Variants in CFAP74 observed in about 807,000 individuals in gnomAD.
CFAP74 encodes the protein cilia and flagella associated protein 74.
CFAP74 carries 124 observed loss-of-function variants against 188.9 expected under a neutral mutation model. The observed-to-expected ratio is 0.66, with a 90% CI of 0.57 to 0.76. The LOEUF is 0.76. Ranked by LOEUF, CFAP74 falls within the 30% of genes least tolerant of loss-of-function variation. The pLI is 0.00. For missense variants in CFAP74, 2,198 were observed against 2,165.2 expected, an observed-to-expected ratio of 1.02 and a Z score of -0.30; for synonymous variants, 956 against 916.7, an observed-to-expected ratio of 1.04 and a Z score of -0.77.
rs1218275114 is a variant in CFAP74, at chr1:1,938,967, C to T, written c.2899G>A (p.Asp967Asn). The T allele has an allele frequency of 5.2e-6, 8 of 1,536,088 alleles. No individual in the cohort carries two copies. The highest frequency in any genetic ancestry group is 2.4e-5 in the South Asian group (2 of 84,060). The change falls in exon 25 of 39, where the codon GAT becomes AAT. Residue 967 changes from aspartate (D) to asparagine (N), a missense_variant. Asp to Asn is a conservative substitution (Grantham distance 23). Transcript: ENST00000682832. ...AGGGGCAGGATCGTCCCAAACCCAT[C>T]GTTGGGTTGGACGTCCACAAACTGG... ...LPKFVDVQPNDGFGTILPLET... is the reference protein window; with the variant it reads ...LPKFVDVQPNNGFGTILPLET...
chr1:1,964,959 T>G lies in CFAP74; in HGVS notation c.1504A>C (p.Lys502Gln), dbSNP rs1655363965. Residue 502 changes from lysine to glutamine, a missense_variant, in exon 13 of 39, where the codon AAG (lysine) becomes CAG (glutamine). Physicochemically the swap from Lys to Gln is moderately conservative, Grantham distance 53. Transcript: ENST00000682832. Reference sequence around the variant, plus strand: ...AACTCACGCCCCCACACCACCTGCTTGTGGACCACCCTGCTCCGCAGCCGC... The same window carrying G: ...AACTCACGCCCCCACACCACCTGCTGGTGGACCACCCTGCTCCGCAGCCGC... ...VERLRSRVVHKQVVWGREFQG... is the reference protein window; with the variant it reads ...VERLRSRVVHQQVVWGREFQG... 1 of 1,613,836 alleles carries G rather than the reference T, an allele frequency of 6.2e-7. No homozygotes were observed. Among genetic ancestry groups the G allele is most frequent in the African/African-American group, 1.3e-5 (1 of 74,930 alleles).
At position 1,973,150 on chromosome 1, in the gene CFAP74, C is replaced by T; in HGVS notation, c.675-103G>A. The stretch of plus-strand genomic sequence containing the variant: ...CTCGTGTCCCAGAGACGCCGTGGGC[C>T]CTTTCGCTCAGCTCTGTCCCGCACA... On this transcript the variant is annotated intron_variant, in intron 7 of 38. Coordinates refer to ENST00000682832, the MANE Select transcript of CFAP74 (RefSeq NM_001304360.2). This position sits in a 1 kb window ranked among gnomAD's most constrained non-coding sequence, Gnocchi z 6.2. The T allele has an allele frequency of 2.5e-6, 2 of 801,258 alleles. No individual in the cohort carries two copies. The highest frequency in any genetic ancestry group is 4.1e-6 in the Non-Finnish European group (2 of 492,126). The allele number at this position is 801,258 out of a possible 1,614,324, so 49.6% of individuals were successfully genotyped here.
intron 9 of CFAP74, 84 bp from the exon 10 acceptor site, chr1:1,970,900 G>A (rs941315821): frequency 3.3e-6 from 5 of 1,524,210 alleles, no homozygotes; most frequent in South Asian, 1.2e-5. Context: ...TGCACACACA[G>A]GTTCATACAT....
intron 25 of CFAP74, among the ~76,000 whole-genome samples, chr1:1,936,773 G>GTAGTTAC (rs1652925664): frequency 6.6e-6 from 1 of 151,840 alleles, no homozygotes; most frequent in Admixed American, 6.6e-5. Flanking sequence ...GCATGGTGGC[G>GTAGTTAC]TGTTCCTGTA....
chr1:1,952,355 A>T (rs952984445), intron 18 of CFAP74, among the ~76,000 whole-genome samples: 4 of 131,948 alleles, frequency 3.0e-5, no homozygotes, highest in African/African-American at 1.7e-4. Flanking sequence ...ATAAAATTAA[A>T]AAAAAAAAAG....
At chr1:1,965,567 C>T (rs16824586) in intron 12 of CFAP74, among the ~76,000 whole-genome samples, 22,963 of 152,170 alleles carry the variant, frequency 0.15, 1,917 homozygotes, top group Middle Eastern at 0.27. Flanking sequence ...GCTGCTTGGA[C>T]TCTGCGTGGG....
intron 6 of CFAP74, among the ~76,000 whole-genome samples, chr1:1,981,427 A>G (rs1205554672): frequency 6.6e-6 from 1 of 151,850 alleles, no homozygotes; most frequent in Non-Finnish European, 1.5e-5. Context: ...GGCACGCAGG[A>G]CACCCAGCCG....
In CFAP74 at chr1:1,938,972, G is replaced by T. The variant is rs762403281; in HGVS notation, c.2894C>A (p.Pro965His). The change falls in exon 25 of 39, where the codon CCC becomes CAC. Residue 965 changes from proline to histidine, a missense_variant. Coordinates refer to ENST00000682832, the MANE Select transcript of CFAP74 (RefSeq NM_001304360.2). ...VRLPKFVDVQ[P>H]NDGFGTILPL... ...CAGGATCGTCCCAAACCCATCGTTG[G>T]GTTGGACGTCCACAAACTGGAAATA... The T allele has an allele frequency of 1.4e-5, 21 of 1,535,924 alleles. No individual in the cohort carries two copies. Among genetic ancestry groups the T allele is most frequent in the Non-Finnish European group, 1.7e-5 (20 of 1,146,834 alleles).
At chr1:1,970,585 G>C (rs576436761) in intron 10 of CFAP74, 74 bp downstream of exon 10, 1 of 1,488,374 alleles carries the variant, frequency 6.7e-7, no homozygotes, top group East Asian at 2.4e-5. Flanking sequence ...ATGTGAAGCC[G>C]AACCCCCTTG....
rs188134377 is a variant in CFAP74 at position 2,000,472 on chromosome 1, G to A, written c.-20+3229C>T. 1.1e-4 allele frequency among the ~76,000 whole-genome samples: 17 copies of A among 152,322 alleles called. 1 individual carries two copies. In the East Asian group the frequency reaches 3.1e-3, roughly 28 times the overall value. ...CACCCTACAGAAAATCCCACCTGTT[G>A]TGTTAGCTTCCCGGGGTCGCCATAA... On this transcript the variant is annotated intron_variant, in intron 1 of 38. Coordinates refer to ENST00000682832, the MANE Select transcript of CFAP74 (RefSeq NM_001304360.2).
At chr1:1,950,256 T>C (rs947498747) in intron 18 of CFAP74, among the ~76,000 whole-genome samples, 1 of 152,214 alleles carries the variant, frequency 6.6e-6, no homozygotes, top group Non-Finnish European at 1.5e-5. Context: ...TGTTTAATGA[T>C]GTTGAGCGTC....
At chr1:1,987,510 A>G (rs542896262) in intron 4 of CFAP74, among the ~76,000 whole-genome samples, 74 of 151,430 alleles carry the variant, frequency 4.9e-4, no homozygotes, top group African/African-American at 1.8e-3. Context: ...AGGTACAAAC[A>G]ACGGAGCAAA....
At chr1:1,954,229 CA>C (rs1432453494) in intron 18 of CFAP74, 6 of 152,412 alleles carry the variant, frequency 3.9e-5, no homozygotes, top group African/African-American at 1.4e-4. Flanking sequence ...GCAAGGCCCT[CA>C]AGCCCAGTGT....
chr1:1,944,094 T>A (rs1653575848), intron 21 of CFAP74, among the ~76,000 whole-genome samples: 1 of 152,150 alleles, frequency 6.6e-6, no homozygotes, highest in Non-Finnish European at 1.5e-5. Context: ...GCCCCCTGCT[T>A]GCCACACAGG....
intron 10 of CFAP74, among the ~76,000 whole-genome samples, chr1:1,970,389 A>G (rs1488179629): frequency 6.7e-6 from 1 of 148,664 alleles, no homozygotes; most frequent in African/African-American, 2.6e-5. Flanking sequence ...GGCTCTCGAC[A>G]GGGGCCGGGG....
At chr1:1,950,999 G>A (rs1424393610) in intron 18 of CFAP74, among the ~76,000 whole-genome samples, 1 of 152,094 alleles carries the variant, frequency 6.6e-6, no homozygotes, top group Non-Finnish European at 1.5e-5. Context: ...TGTGAGGAAC[G>A]AATTAAAGTT....
In CFAP74 at chr1:1,965,117, C is replaced by T. The variant is rs1236039542; in HGVS notation, c.1402-56G>A. ...GTTAGCGGCTCCACCTGGGCGGCGC[C>T]GGTGGCAGCTCGGAGGCGAGGGTAG... On this transcript the variant is annotated intron_variant, in intron 12 of 38. Coordinates refer to ENST00000682832, the MANE Select transcript of CFAP74 (RefSeq NM_001304360.2). 5 of 1,540,202 alleles carry T rather than the reference C, an allele frequency of 3.2e-6. No individual in the cohort carries two copies. The South Asian group carries it at 3.5e-5, about 11-fold the overall frequency.
At chr1:2,001,475 A>G (rs1395745789) in intron 1 of CFAP74, among the ~76,000 whole-genome samples, 32 of 152,068 alleles carry the variant, frequency 2.1e-4, no homozygotes, top group Non-Finnish European at 1.2e-4. Flanking sequence ...GACTACAGGC[A>G]ACCGCCACCA....
chr1:1,978,747 G>A (rs1233151216), intron 6 of CFAP74, among the ~76,000 whole-genome samples: 4 of 152,212 alleles, frequency 2.6e-5, no homozygotes, highest in South Asian at 2.1e-4. Context: ...TCATAAATCC[G>A]CGTCCTGCTG....
Sources: gnomAD v4.1 joint callset for allele counts (sites outside exome capture counted in the v4.1 genomes callset) on GRCh38, gnomAD v4.1.1 for gene constraint, Gnocchi (gnomAD v3.1) non-coding constraint, MANE v1.5 for transcripts, NCBI Gene and HGNC (gene_info 2026-07-23, HGNC 2026-07-21) for gene names.